NUAK1: variants seen among roughly 807,000 people sequenced by gnomAD.
The protein encoded by NUAK1 is NUAK family kinase 1, also known as NUAK family SNF1-like kinase 1.
A neutral mutation model predicts 56.9 loss-of-function variants in NUAK1; 26 were observed. That is an observed-to-expected ratio of 0.46 (90% CI 0.33 to 0.63). NUAK1 has a LOEUF of 0.63. NUAK1 is among the 30% of genes least tolerant of loss of function. The probability of loss-of-function intolerance (pLI) is 0.02; values close to 1 mark genes in which losing one functional copy is unlikely to be tolerated. For synonymous variants in NUAK1, 337 were observed against 336.0 expected, an observed-to-expected ratio of 1.00 and a Z score of -0.03; for missense variants, 727 against 876.1, an observed-to-expected ratio of 0.83 and a Z score of 2.15.
chr12:106,068,408 C>A (rs1182935724), intron 6 of NUAK1, among the ~76,000 whole-genome samples: 3 of 152,240 alleles, frequency 2.0e-5, no homozygotes, highest in Non-Finnish European at 4.4e-5. Context: ...AAACACACAG[C>A]ACCTGCAGTC....
chr12:106,107,907 C>A (rs1162584638), intron 1 of NUAK1, among the ~76,000 whole-genome samples: 2 of 152,180 alleles, frequency 1.3e-5, no homozygotes, highest in Admixed American at 6.5e-5. Context: ...GTCCTTACCC[C>A]AGTTGTGATT....
At chr12:106,078,254 G>T (rs2032482661) in intron 4 of NUAK1, among the ~76,000 whole-genome samples, 1 of 152,208 alleles carries the variant, frequency 6.6e-6, no homozygotes, top group Non-Finnish European at 1.5e-5. Context: ...AACAGTAGCA[G>T]CATTGCTATA....
chr12:106,130,650 G>A (rs1426411178), intron 1 of NUAK1, among the ~76,000 whole-genome samples: 1 of 152,220 alleles, frequency 6.6e-6, no homozygotes, highest in Non-Finnish European at 1.5e-5. Context: ...ACCAGCCGAT[G>A]GGCAGGTGAA....
chr12:106,069,604 A>T (rs944682557), intron 6 of NUAK1, among the ~76,000 whole-genome samples: 1 of 152,236 alleles, frequency 6.6e-6, no homozygotes, highest in Non-Finnish European at 1.5e-5. Context: ...AAACAGAGAC[A>T]CACATAAAAC....
At chr12:106,087,832 T>C (rs968775245) in intron 2 of NUAK1, among the ~76,000 whole-genome samples, 2 of 152,156 alleles carry the variant, frequency 1.3e-5, no homozygotes, top group African/African-American at 2.4e-5. Context: ...AACTACCAGA[T>C]GAGATGGCCT....
At chr12:106,103,066 T>C (rs2032764664) in intron 2 of NUAK1, 1 of 152,272 alleles carries the variant, frequency 6.6e-6, no homozygotes. Context: ...AACTTCACGT[T>C]GGTAACTAAA....
chr12:106,124,616 T>C (rs1180871922), intron 1 of NUAK1, among the ~76,000 whole-genome samples: 3 of 152,140 alleles, frequency 2.0e-5, no homozygotes, highest in South Asian at 2.1e-4. Flanking sequence ...GCGGCTGGAA[T>C]GTAAGCTGCA....
At chr12:106,095,433 A>G (rs2032687473) in intron 2 of NUAK1, among the ~76,000 whole-genome samples, 1 of 152,220 alleles carries the variant, frequency 6.6e-6, no homozygotes, top group Admixed American at 6.5e-5. Flanking sequence ...ACCAAGGTGG[A>G]AAGGCCAGGC....
At chr12:106,112,756 T>G (rs145321311) in intron 1 of NUAK1, among the ~76,000 whole-genome samples, 2 of 141,034 alleles carry the variant, frequency 1.4e-5, no homozygotes, top group African/African-American at 6.3e-5. Context: ...AGCCAAGAGT[T>G]GTATCAACAG....
chr12:106,082,563 C>A (rs1479437648), intron 4 of NUAK1, among the ~76,000 whole-genome samples: 1 of 152,200 alleles, frequency 6.6e-6, no homozygotes, highest in Non-Finnish European at 1.5e-5. Context: ...CTAGAATAAT[C>A]CAACCACTTT....
At chr12:106,089,511 G>A (rs11112860) in intron 2 of NUAK1, among the ~76,000 whole-genome samples, 24,136 of 152,200 alleles carry the variant, frequency 0.16, 2,988 homozygotes, top group East Asian at 0.53. Context: ...CCCGAGTCTG[G>A]CCAGGTACGG....
chr12:106,129,459 G>A lies in NUAK1; in HGVS notation c.240+8955C>T, dbSNP rs115664187. 2.5e-3 allele frequency among the ~76,000 whole-genome samples: 388 copies of A among 152,322 alleles called. 1 individual carries two copies. Among genetic ancestry groups the A allele is most frequent in the African/African-American group, 8.6e-3 (358 of 41,570 alleles). ...CAGCAGCCCTGCTGCCTTTCTAATA[G>A]ACAAGGAAGAATGGAGCCTACAAAT... is the stretch of plus-strand genomic sequence containing the variant. On this transcript the variant is annotated intron_variant, in intron 1 of 6. Coordinates refer to ENST00000261402, the MANE Select transcript of NUAK1 (RefSeq NM_014840.3).
intron 2 of NUAK1, among the ~76,000 whole-genome samples, chr12:106,094,903 GAGA>G (rs2032679366): frequency 6.6e-6 from 1 of 152,188 alleles, no homozygotes; most frequent in African/African-American, 2.4e-5. Context: ...AGGATAGAGA[GAGA>G]AGTTGTGTGG....
intron 2 of NUAK1, 24 bp downstream of exon 2, chr12:106,106,379 GGT>G: frequency 6.6e-7 from 1 of 1,520,868 alleles, no homozygotes; most frequent in Non-Finnish European, 8.8e-7. Flanking sequence ...CTGATATGGG[GGT>G]TAAAAAAAAA....
At chr12:106,131,578 A>C (rs1412039112) in intron 1 of NUAK1, among the ~76,000 whole-genome samples, 1 of 152,244 alleles carries the variant, frequency 6.6e-6, no homozygotes, top group Non-Finnish European at 1.5e-5. Context: ...AAAATTATGG[A>C]ATAGATCATA....
chr12:106,118,931 G>A lies in NUAK1; in HGVS notation c.241-12406C>T, dbSNP rs116698190. Among the ~76,000 whole-genome samples, 911 of 152,316 alleles carry A rather than the reference G, an allele frequency of 6.0e-3. 15 individuals are homozygous for A. Among genetic ancestry groups the A allele is most frequent in the African/African-American group, 0.02 (840 of 41,562 alleles). ...ATCCTTCCCAAGATTTATGCTCCTT[G>A]CATCTTTAAGCAGGTCATAAAATGT... is the stretch of plus-strand genomic sequence containing the variant. On this transcript the variant is annotated intron_variant, in intron 1 of 6. Transcript: ENST00000261402.
intron 1 of NUAK1, among the ~76,000 whole-genome samples, chr12:106,117,561 T>A (rs980177423): frequency 6.6e-6 from 1 of 152,234 alleles, no homozygotes; most frequent in Non-Finnish European, 1.5e-5. Context: ...CTAGTTGAAA[T>A]GCAGTCTTCA....
chr12:106,118,118 G>A (rs2032937183), intron 1 of NUAK1, among the ~76,000 whole-genome samples: 1 of 152,146 alleles, frequency 6.6e-6, no homozygotes. Context: ...TGTACTTGTG[G>A]CTAAGACCAC....
chr12:106,112,059 C>G, intron 1 of NUAK1, among the ~76,000 whole-genome samples: 1 of 151,758 alleles, frequency 6.6e-6, no homozygotes, highest in South Asian at 2.1e-4. Context: ...GATGGACCCC[C>G]CTCCAAGCAG....
Sources: allele counts gnomAD v4.1 joint callset (sites outside exome capture counted in the v4.1 genomes callset), GRCh38; gene constraint gnomAD v4.1.1; transcripts MANE v1.5; gene names NCBI Gene and HGNC (gene_info 2026-07-23, HGNC 2026-07-21).